Variants in MAPKAP1 observed in about 807,000 individuals in gnomAD.
The protein encoded by MAPKAP1 is target of rapamycin complex 2 subunit MAPKAP1.
In MAPKAP1, 20 loss-of-function variants were observed where a neutral mutation model predicts 65.7. That is an observed-to-expected ratio of 0.30 (90% CI 0.21 to 0.44). The LOEUF (loss-of-function observed/expected upper bound fraction) is 0.44. Ranked by LOEUF, MAPKAP1 falls within the 20% of genes least tolerant of loss-of-function variation. The pLI is 1.00. For missense variants in MAPKAP1, 423 were observed against 648.0 expected (o/e 0.65, Z 3.77); for synonymous variants, 222 against 244.3 (o/e 0.91, Z 0.85).
At chr9:125,453,579 A>G (rs1415716663) in intron 10 of MAPKAP1, among the ~76,000 whole-genome samples, 1 of 152,258 alleles carries the variant, frequency 6.6e-6, no homozygotes. Context: ...AACTTGATAA[A>G]TGGTATTTTC....
chr9:125,671,546 G>A (rs1257683191), intron 2 of MAPKAP1, among the ~76,000 whole-genome samples: 1 of 151,794 alleles, frequency 6.6e-6, no homozygotes, highest in Non-Finnish European at 1.5e-5. Flanking sequence ...TAGAATACCT[G>A]TCATATTAGA....
intron 4 of MAPKAP1, among the ~76,000 whole-genome samples, chr9:125,641,490 C>CT (rs1392560394): frequency 1.3e-5 from 2 of 152,106 alleles, no homozygotes; most frequent in African/African-American, 4.8e-5. Context: ...CAGTTTTTCT[C>CT]TAAACAGAAC....
intron 9 of MAPKAP1, among the ~76,000 whole-genome samples, chr9:125,483,388 T>C (rs1486301331): frequency 1.2e-4 from 18 of 152,228 alleles, no homozygotes; most frequent in East Asian, 5.8e-4. Flanking sequence ...GAAAGGAACA[T>C]GTGAGGAGAT....
At chr9:125,513,487 T>C (rs1239082358) in intron 7 of MAPKAP1, among the ~76,000 whole-genome samples, 1 of 152,210 alleles carries the variant, frequency 6.6e-6, no homozygotes, top group Non-Finnish European at 1.5e-5. Context: ...AAGGCTAGAC[T>C]TGAGCAGAAC....
intron 1 of MAPKAP1, among the ~76,000 whole-genome samples, chr9:125,704,523 A>T (rs1835701116): frequency 6.6e-6 from 1 of 152,150 alleles, no homozygotes; most frequent in Non-Finnish European, 1.5e-5. Flanking sequence ...CAGGATAGGG[A>T]CCCAATTTTA....
chr9:125,500,642 C>G (rs1828948605), intron 8 of MAPKAP1, among the ~76,000 whole-genome samples: 1 of 152,106 alleles, frequency 6.6e-6, no homozygotes, highest in Non-Finnish European at 1.5e-5. Flanking sequence ...TGGAAGAAAC[C>G]AGGAACAATT....
intron 9 of MAPKAP1, among the ~76,000 whole-genome samples, chr9:125,472,251 G>C (rs990032617): frequency 6.6e-6 from 1 of 152,212 alleles, no homozygotes; most frequent in Non-Finnish European, 1.5e-5. Context: ...AACAGCCACT[G>C]TTCAAACCCA....
intron 5 of MAPKAP1, among the ~76,000 whole-genome samples, chr9:125,566,704 T>G (rs547199210): frequency 1.3e-5 from 2 of 152,342 alleles, no homozygotes; most frequent in South Asian, 4.1e-4. Context: ...CTATAGGATA[T>G]CCCATTTCGA....
chr9:125,608,773 A>C (rs756380393), intron 4 of MAPKAP1, among the ~76,000 whole-genome samples: 14 of 152,214 alleles, frequency 9.2e-5, no homozygotes, highest in Non-Finnish European at 1.8e-4. Flanking sequence ...CCTTCCAGTA[A>C]ACCGCTATTT....
intron 5 of MAPKAP1, among the ~76,000 whole-genome samples, chr9:125,576,196 G>T (rs1208683011): frequency 1.3e-5 from 2 of 152,164 alleles, no homozygotes; most frequent in East Asian, 3.8e-4. Flanking sequence ...AATAGATGGA[G>T]CACAGGACAT....
At chr9:125,679,062 T>C (rs915063477) in intron 1 of MAPKAP1, among the ~76,000 whole-genome samples, 37 of 151,690 alleles carry the variant, frequency 2.4e-4, no homozygotes, top group African/African-American at 9.0e-4. Flanking sequence ...AGTGCAGCAG[T>C]GCGATCCTGG....
intron 4 of MAPKAP1, among the ~76,000 whole-genome samples, chr9:125,649,683 G>C (rs928667092): frequency 6.6e-6 from 1 of 151,462 alleles, no homozygotes; most frequent in Non-Finnish European, 1.5e-5. Context: ...CCAGACAATA[G>C]GATATACCCC....
chr9:125,538,526 A>C (rs1212547004), intron 7 of MAPKAP1, among the ~76,000 whole-genome samples: 2 of 146,760 alleles, frequency 1.4e-5, no homozygotes, highest in Non-Finnish European at 2.9e-5. Context: ...CAATTTTACT[A>C]CAATTTTTTT....
At chr9:125,455,680 C>T (rs1853138295) in intron 10 of MAPKAP1, among the ~76,000 whole-genome samples, 1 of 151,896 alleles carries the variant, frequency 6.6e-6, no homozygotes, top group African/African-American at 2.4e-5. Context: ...ACATCAATTG[C>T]AAATGTTTAT....
chr9:125,464,162 G>A (rs1389790415), intron 10 of MAPKAP1, among the ~76,000 whole-genome samples: 3 of 127,830 alleles, frequency 2.3e-5, no homozygotes, highest in African/African-American at 8.7e-5. Flanking sequence ...CCAGGAGTTT[G>A]AGCCCAGCCT....
rs547642455 is a variant in MAPKAP1, at chr9:125,678,257, T to A, written c.-69-5614A>T. On this transcript the variant is annotated intron_variant, in intron 1 of 11. Coordinates refer to ENST00000265960, the MANE Select transcript of MAPKAP1 (RefSeq NM_001006617.3). The stretch of plus-strand genomic sequence containing the variant: ...TATTTTATTTTATTTTTATTTATTT[T>A]TTTTTGAGACAGAGTCTCGCTCTGT... Among the ~76,000 whole-genome samples, 50 of 151,540 alleles carry A rather than the reference T, an allele frequency of 3.3e-4. 1 individual carries two copies. The South Asian group carries it at 8.2e-3, about 25-fold the overall frequency.
chr9:125,575,316 T>G lies in MAPKAP1; in HGVS notation c.671+10239A>C, dbSNP rs78928152. 4.3e-3 allele frequency among the ~76,000 whole-genome samples: 661 copies of G among 152,274 alleles called. 6 individuals are homozygous for G. Among genetic ancestry groups the G allele is most frequent in the African/African-American group, 0.015 (619 of 41,542 alleles). On this transcript the variant is annotated intron_variant, in intron 5 of 11. Transcript: ENST00000265960. ...GTTCAAGGCTGCAGTGAACTGTAAT[T>G]GCACAACCGCACTCCAACCTGAGCA...
intron 5 of MAPKAP1, chr9:125,565,477 C>A: frequency 5.8e-6 from 1 of 173,350 alleles, no homozygotes. Flanking sequence ...AATAAAAGAG[C>A]ACATGATTTT....
intron 4 of MAPKAP1, among the ~76,000 whole-genome samples, chr9:125,620,431 C>T (rs1832863156): frequency 6.6e-6 from 1 of 152,132 alleles, no homozygotes; most frequent in African/African-American, 2.4e-5. Flanking sequence ...TGGAGCAATC[C>T]CGAAGGAGAC....
Sources: gnomAD v4.1 joint callset for allele counts (sites outside exome capture counted in the v4.1 genomes callset) on GRCh38, gnomAD v4.1.1 for gene constraint, MANE v1.5 for transcripts, NCBI Gene and HGNC (gene_info 2026-07-23, HGNC 2026-07-21) for gene names.